Variants in DENND4B observed in about 807,000 individuals in gnomAD.
DENND4B encodes DENN domain-containing protein 4B.
DENND4B carries 67 observed loss-of-function variants against 161.0 expected under a neutral mutation model. The observed-to-expected ratio is 0.42, with a 90% CI of 0.34 to 0.51. DENND4B has a LOEUF of 0.51. Among genes scored for constraint, DENND4B ranks in the 20% least tolerant of loss-of-function variants. DENND4B has a pLI of 0.08. For missense variants in DENND4B, 1,481 were observed against 1,968.0 expected (o/e 0.75, Z 4.68); for synonymous variants, 753 against 813.8 (o/e 0.93, Z 1.27).
At chr1:153,943,995 C>T (rs1269897321) in intron 2 of DENND4B, 63 bp downstream of exon 2, 4 of 1,485,546 alleles carry the variant, frequency 2.7e-6, no homozygotes, top group Admixed American at 2.5e-5. Context: ...AGTCCTACCT[C>T]TCCCTGTCTC....
Position 153,944,081 on chromosome 1 carries a change from G to A in DENND4B, c.294C>T (p.Asp98=), listed in dbSNP as rs1390591905. The change falls in exon 2 of 28, where the codon GAC becomes GAT. Residue 98 remains aspartate (D), a synonymous_variant. Coordinates refer to ENST00000361217, the MANE Select transcript of DENND4B (RefSeq NM_014856.3). The surrounding 1 kb of genome is among the most constrained non-coding windows in gnomAD (Gnocchi z 4.8). ...ACCCCAGCTCAACGAGGGGGGGCTTGTCACGGCCCCTGCGGTAGCAGATGA... is the reference window on the plus strand; with the variant it reads ...ACCCCAGCTCAACGAGGGGGGGCTTATCACGGCCCCTGCGGTAGCAGATGA... ...QPVICYRRGR[D]KPPLVELGVL... The A allele has an allele frequency of 1.9e-6, 3 of 1,583,932 alleles. No individual in the cohort carries two copies. The highest frequency in any genetic ancestry group is 2.6e-6 in the Non-Finnish European group (3 of 1,162,498).
In DENND4B at chr1:153,933,383, C is replaced by T; in HGVS notation, c.3331-64G>A. 6.2e-7 allele frequency: 1 copy of T among 1,611,026 alleles called. No homozygotes were observed. The highest frequency in any genetic ancestry group is 8.5e-7 in the Non-Finnish European group (1 of 1,178,812). On this transcript the variant is annotated intron_variant, in intron 20 of 27. Transcript: ENST00000361217. This position sits in a 1 kb window ranked among gnomAD's most constrained non-coding sequence, Gnocchi z 5.7. ...GCTCTTCCACCCAGGATATGTGTTT[C>T]AAGCACCCCTCAGAGCCCCCTTTTT...
At chr1:153,941,796 GAATCTCTCCCATCTCT>G in intron 6 of DENND4B, 57 bp downstream of exon 6, 1 of 1,455,434 alleles carries the variant, frequency 6.9e-7, no homozygotes, top group Non-Finnish European at 9.1e-7. Flanking sequence ...ACCCACATCT[GAATCTCTCCCATCTCT>G]CCTGGCCCCC....
rs1207746924 is a variant in DENND4B, at chr1:153,932,496, C to T, written c.3760-56G>A. ...GGGCATGTACATCCCCAGAGCCTTGCCTCCCACTGAGCCACCACATCCAAC... is the reference window on the plus strand; with the variant it reads ...GGGCATGTACATCCCCAGAGCCTTGTCTCCCACTGAGCCACCACATCCAAC... On this transcript the variant is annotated intron_variant, in intron 23 of 27. Transcript: ENST00000361217. This position sits in a 1 kb window ranked among gnomAD's most constrained non-coding sequence, Gnocchi z 5.8. The T allele has an allele frequency of 8.4e-6, 13 of 1,556,832 alleles. No individual in the cohort carries two copies. Among genetic ancestry groups the T allele is most frequent in the Non-Finnish European group, 1.1e-5 (13 of 1,149,210 alleles).
chr1:153,944,519 G>C lies in DENND4B; in HGVS notation c.-23-122C>G. The C allele has an allele frequency of 9.8e-7, 1 of 1,021,148 alleles. No homozygotes were observed. Among genetic ancestry groups the C allele is most frequent in the South Asian group, 1.7e-5 (1 of 57,666 alleles). The allele number at this position is 1,021,148 out of a possible 1,614,324, so 63.3% of individuals were successfully genotyped here. A position where few individuals can be genotyped will look rare whatever the true frequency, so the allele number is the denominator to read the frequency against. ...CCAAAGAAAGGCAGGATAAGGGGTC[G>C]GCCAATCCTGAACTCTTCCCCCTGT... On this transcript the variant is annotated intron_variant, in intron 1 of 27. Coordinates refer to ENST00000361217, the MANE Select transcript of DENND4B (RefSeq NM_014856.3). This position sits in a 1 kb window ranked among gnomAD's most constrained non-coding sequence, Gnocchi z 4.8.
rs776102901 is a variant in DENND4B at position 153,937,531 on chromosome 1, G to T, written c.2189C>A (p.Ser730Tyr). The change falls in exon 15 of 28, where the codon TCC becomes TAC. Residue 730 changes from serine to tyrosine, a missense_variant. Physicochemically the swap from Ser to Tyr is moderately radical, Grantham distance 144. Transcript: ENST00000361217. The surrounding 1 kb of genome is among the most constrained non-coding windows in gnomAD (Gnocchi z 4.7). Reference sequence around the variant, plus strand: ...AGCAGGACTGCTGGGGGCGCTACGGGAAGGGCCTGGCACAGGCAGGGCCCC... The same window carrying T: ...AGCAGGACTGCTGGGGGCGCTACGGTAAGGGCCTGGCACAGGCAGGGCCCC... Reference protein sequence around the residue: ...QPGALPVPGPSRSAPSSPAPR... With the variant: ...QPGALPVPGPYRSAPSSPAPR... 1.2e-6 allele frequency: 2 copies of T among 1,604,676 alleles called. No individual in the cohort carries two copies. The highest frequency in any genetic ancestry group is 1.7e-6 in the Non-Finnish European group (2 of 1,175,334).
intron 11 of DENND4B, 39 bp from the exon 12 acceptor site, chr1:153,939,843 C>T: frequency 6.3e-7 from 1 of 1,594,820 alleles, no homozygotes; most frequent in Non-Finnish European, 8.6e-7. Context: ...GGCTGGCTCC[C>T]ATAGTGTTAC....
At position 153,934,640 on chromosome 1, in the gene DENND4B, T is replaced by A; in HGVS notation, c.2773+120A>T. 2 of 1,465,106 alleles carry A rather than the reference T, an allele frequency of 1.4e-6. No homozygotes were observed. The highest frequency in any genetic ancestry group is 2.6e-5 in the South Asian group (2 of 75,484). The allele number at this position is 1,465,106 out of a possible 1,614,324, so 90.8% of individuals were successfully genotyped here. ...TATCCCTTTTGTTACCAGTCAAGTGTAATTTATCAATCCCCAGAAACCCAA... is the reference window on the plus strand; with the variant it reads ...TATCCCTTTTGTTACCAGTCAAGTGAAATTTATCAATCCCCAGAAACCCAA... On this transcript the variant is annotated intron_variant, in intron 18 of 27. Transcript: ENST00000361217. The surrounding 1 kb of genome is among the most constrained non-coding windows in gnomAD (Gnocchi z 5.3).
chr1:153,934,349 G>A lies in DENND4B; in HGVS notation c.2774-47C>T. 1 of 1,528,804 alleles carries A rather than the reference G, an allele frequency of 6.5e-7. No individual in the cohort carries two copies. The highest frequency in any genetic ancestry group is 1.4e-5 in the African/African-American group (1 of 71,252). 94.7% of individuals were successfully genotyped at this position (1,528,804 alleles called of 1,614,324 possible). A position where few individuals can be genotyped will look rare whatever the true frequency, so the allele number is the denominator to read the frequency against. ...TTAGAGGCGGCCAGCTAGGAACCCAGTCCCCTGTTCCAAAATAGAGCTCCT... is the reference window on the plus strand; with the variant it reads ...TTAGAGGCGGCCAGCTAGGAACCCAATCCCCTGTTCCAAAATAGAGCTCCT... On this transcript the variant is annotated intron_variant, in intron 18 of 27. Transcript: ENST00000361217. The surrounding 1 kb of genome is among the most constrained non-coding windows in gnomAD (Gnocchi z 5.3).
In DENND4B at chr1:153,942,152, T is replaced by G; in HGVS notation, c.810+35A>C. The G allele has an allele frequency of 6.2e-7, 1 of 1,613,928 alleles. No individual in the cohort carries two copies. Among genetic ancestry groups the G allele is most frequent in the Non-Finnish European group, 8.5e-7 (1 of 1,179,854 alleles). Reference sequence around the variant, plus strand: ...GAAGGGTAGTCAGGCAGGCCCTGCATAGCCTGGACCCCTTGCCACACTCCA... The same window carrying G: ...GAAGGGTAGTCAGGCAGGCCCTGCAGAGCCTGGACCCCTTGCCACACTCCA... On this transcript the variant is annotated intron_variant, in intron 5 of 27. Transcript: ENST00000361217. This position sits in a 1 kb window ranked among gnomAD's most constrained non-coding sequence, Gnocchi z 6.9.
At chr1:153,935,132 G>A in intron 17 of DENND4B, 168 bp from the exon 18 acceptor site, 1 of 1,369,798 alleles carries the variant, frequency 7.3e-7, no homozygotes, top group Non-Finnish European at 9.6e-7. Flanking sequence ...AGAGACAGTA[G>A]GCAGCAGCTG....
Position 153,940,445 on chromosome 1 carries a change from G to C in DENND4B, c.1488C>G (p.Thr496=). 6.2e-7 allele frequency: 1 copy of C among 1,612,504 alleles called. No individual in the cohort carries two copies. The highest frequency in any genetic ancestry group is 1.1e-5 in the South Asian group (1 of 90,748). The stretch of plus-strand genomic sequence containing the variant: ...CAGCCTCTTACTGGAAGAGCGTGTT[G>C]GTATCAAGGTCTACACAGATGACAT... ...PADVICVDLD[T]NTLFQTEEKK... The change falls in exon 10 of 28, where the codon ACC becomes ACG. Residue 496 remains threonine, a synonymous_variant. Coordinates refer to ENST00000361217, the MANE Select transcript of DENND4B (RefSeq NM_014856.3). This position sits in a 1 kb window ranked among gnomAD's most constrained non-coding sequence, Gnocchi z 5.6.
At chr1:153,941,642 G>A (rs1162545600) in intron 6 of DENND4B, among the ~76,000 whole-genome samples, 1 of 152,140 alleles carries the variant, frequency 6.6e-6, no homozygotes, top group African/African-American at 2.4e-5. Flanking sequence ...GGCATACACA[G>A]CCCTTTGCCA....
chr1:153,941,804 C>G lies in DENND4B; in HGVS notation c.1055+65G>C, dbSNP rs1001730887. On this transcript the variant is annotated intron_variant, in intron 6 of 27. Coordinates refer to ENST00000361217, the MANE Select transcript of DENND4B (RefSeq NM_014856.3). ...TCCCCCCACCCACATCTGAATCTCT[C>G]CCATCTCTCCTGGCCCCCTTATCCC... The G allele has an allele frequency of 3.0e-6, 4 of 1,316,178 alleles. No homozygotes were observed. In the African/African-American group the frequency reaches 6.0e-5, roughly 20 times the overall value. 81.5% of individuals were successfully genotyped at this position (1,316,178 alleles called of 1,614,324 possible).
At position 153,942,746 on chromosome 1, in the gene DENND4B, C is replaced by T. The variant is rs544556541; in HGVS notation, c.571-121G>A. 5 of 1,477,122 alleles carry T rather than the reference C, an allele frequency of 3.4e-6. No homozygotes were observed. In the African/African-American group the frequency reaches 4.2e-5, roughly 13 times the overall value. 91.5% of individuals were successfully genotyped at this position (1,477,122 alleles called of 1,614,324 possible). A position where few individuals can be genotyped will look rare whatever the true frequency, so the allele number is the denominator to read the frequency against. On this transcript the variant is annotated intron_variant, in intron 3 of 27. Transcript: ENST00000361217. The surrounding 1 kb of genome is among the most constrained non-coding windows in gnomAD (Gnocchi z 6.9). The stretch of plus-strand genomic sequence containing the variant: ...TTAAAGCTCCCATTAATCCCAGTGC[C>T]CCAAGACCAGAGTTACCCCTCTGGA...
In DENND4B at chr1:153,940,299, A is replaced by G. The variant is rs1679593664; in HGVS notation, c.1503-43T>C. On this transcript the variant is annotated intron_variant, in intron 10 of 27. Coordinates refer to ENST00000361217, the MANE Select transcript of DENND4B (RefSeq NM_014856.3). The surrounding 1 kb of genome is among the most constrained non-coding windows in gnomAD (Gnocchi z 5.6). ...GGGGAAAGAGTGGCGAGGCTCTGGG[A>G]TAGGGTGACGGGGTTCCTTGCCAGC... 19 of 1,572,646 alleles carry G rather than the reference A, an allele frequency of 1.2e-5. No homozygotes were observed. Among genetic ancestry groups the G allele is most frequent in the Non-Finnish European group, 1.6e-5 (19 of 1,157,464 alleles).
At chr1:153,931,686 C>T (rs999459650) in intron 24 of DENND4B, among the ~76,000 whole-genome samples, 14 of 150,730 alleles carry the variant, frequency 9.3e-5, no homozygotes, top group African/African-American at 2.2e-4. Context: ...TTTAGTAACA[C>T]GGGGTTTCAC....
intron 13 of DENND4B, among the ~76,000 whole-genome samples, chr1:153,938,278 G>A (rs915816896): frequency 6.6e-6 from 1 of 152,004 alleles, no homozygotes; most frequent in African/African-American, 2.4e-5. Flanking sequence ...GCATATTGGT[G>A]CACACCTGTA....
rs1366919449 is a variant in DENND4B, at chr1:153,942,070, G to A, written c.854C>T (p.Ala285Val). 10 of 1,612,558 alleles carry A rather than the reference G, an allele frequency of 6.2e-6. No homozygotes were observed. Among genetic ancestry groups the A allele is most frequent in the Non-Finnish European group, 8.5e-6 (10 of 1,179,436 alleles). ...CCGTGCCTGTCGCTCTGATAGCCTG[G>A]CCCTTGGGAACGCCTCGTAGAACTG... ...ALQFYEAFPR[A>V]RLSERQARAL... Residue 285 changes from alanine to valine, a missense_variant, in exon 6 of 28, where the codon GCC becomes GTC. Around this residue, in one of 3 missense-constraint regions of DENND4B, gnomAD observed 806 missense variants for 1,134.4 expected, o/e 0.71. Coordinates refer to ENST00000361217, the MANE Select transcript of DENND4B (RefSeq NM_014856.3). This position sits in a 1 kb window ranked among gnomAD's most constrained non-coding sequence, Gnocchi z 6.9.
Sources: gnomAD v4.1 joint callset for allele counts (sites outside exome capture counted in the v4.1 genomes callset) on GRCh38, gnomAD v4.1.1 for gene constraint, gnomAD v4.1.1 regional missense constraint, Gnocchi (gnomAD v3.1) non-coding constraint, MANE v1.5 for transcripts, NCBI Gene and HGNC (gene_info 2026-07-23, HGNC 2026-07-21) for gene names.